Variants in PIK3R3 observed in about 807,000 individuals in gnomAD.
PIK3R3 encodes phosphatidylinositol 3-kinase regulatory subunit gamma.
Under a neutral mutation model 62.9 loss-of-function variants are expected in PIK3R3, and 64 were observed. That is an observed-to-expected ratio of 1.02 (90% CI 0.83 to 1.25). The LOEUF (loss-of-function observed/expected upper bound fraction) is 1.25. PIK3R3 is among the 50% of genes most tolerant of loss of function. PIK3R3 has a pLI of 0.00. For synonymous variants in PIK3R3, 165 were observed against 189.0 expected (o/e 0.87, Z 1.04); for missense variants, 614 against 561.6 (o/e 1.09, Z -0.94).
the PIK3R3 span, among the ~76,000 whole-genome samples, chr1:46,170,484 G>A: frequency 6.6e-6 from 1 of 152,166 alleles, no homozygotes; most frequent in Non-Finnish European, 1.5e-5. Context: ...GCAATGGCAT[G>A]ATCTCGGCTC....
intron 1 of PIK3R3, among the ~76,000 whole-genome samples, chr1:46,114,139 C>T (rs1457966765): frequency 1.3e-5 from 2 of 152,176 alleles, no homozygotes; most frequent in Non-Finnish European, 2.9e-5. Flanking sequence ...CTATTCACTC[C>T]TGGGCTGATC....
chr1:46,106,230 G>A (rs1160567527), intron 1 of PIK3R3, among the ~76,000 whole-genome samples: 2 of 152,156 alleles, frequency 1.3e-5, no homozygotes, highest in East Asian at 1.9e-4. Flanking sequence ...AGCCTCCCTA[G>A]CAGCTGGAAC....
At chr1:46,156,679 C>G in the PIK3R3 span, among the ~76,000 whole-genome samples, 14 of 152,082 alleles carry the variant, frequency 9.2e-5, no homozygotes, top group Admixed American at 9.2e-4. Flanking sequence ...GTGGACAAAC[C>G]AGCTGACCAT....
the PIK3R3 span, among the ~76,000 whole-genome samples, chr1:46,147,798 C>T: frequency 2.0e-5 from 3 of 152,126 alleles, no homozygotes; most frequent in Non-Finnish European, 4.4e-5. Flanking sequence ...AACAGATTTT[C>T]GCTCTTCCGC....
chr1:46,132,122 C>A lies in PIK3R3; in HGVS notation c.-170G>T, dbSNP rs1266525554. On this transcript the variant is annotated 5_prime_UTR_variant, in exon 1 of 10. The change creates a new upstream start codon in the 5' untranslated region. Transcript: ENST00000262741. ...AAACTACCCGAACAGGGTCCTCCCC[C>A]TCTCTCCTACAGAACACAACAAAAT... 7.1e-7 allele frequency: 1 copy of A among 1,407,142 alleles called. No homozygotes were observed. Among genetic ancestry groups the A allele is most frequent in the African/African-American group, 1.4e-5 (1 of 69,044 alleles). The allele number at this position is 1,407,142 out of a possible 1,614,324, so 87.2% of individuals were successfully genotyped here.
Position 46,040,596 on chromosome 1 carries a change from T to G in PIK3R3, c.*3077A>C, listed in dbSNP as rs1030917041. 8.9e-6 allele frequency: 2 copies of G among 223,682 alleles called. No individual in the cohort carries two copies. The highest frequency in any genetic ancestry group is 4.5e-5 in the African/African-American group (2 of 44,824). 13.9% of individuals were successfully genotyped at this position (223,682 alleles called of 1,614,324 possible). A position where few individuals can be genotyped will look rare whatever the true frequency, so the allele number is the denominator to read the frequency against. On this transcript the variant is annotated 3_prime_UTR_variant, in exon 10 of 10. Transcript: ENST00000262741. Reference sequence around the variant, plus strand: ...TGGACCCTCTGGTTTCTGAGGCCACTGAAGCCTCACAGAGGCCTACTCTGG... The same window carrying G: ...TGGACCCTCTGGTTTCTGAGGCCACGGAAGCCTCACAGAGGCCTACTCTGG...
chr1:46,132,665 G>A (rs1210910498), upstream of PIK3R3: 34 of 1,289,728 alleles, frequency 2.6e-5, no homozygotes, highest in Non-Finnish European at 3.1e-5. Context: ...TTAACGGCGC[G>A]GAGGGGACAC....
the PIK3R3 span, among the ~76,000 whole-genome samples, chr1:46,162,520 T>C: frequency 6.6e-6 from 1 of 152,158 alleles, no homozygotes; most frequent in East Asian, 1.9e-4. Flanking sequence ...AAACTGTCTA[T>C]GTGGTATAAT....
At chr1:46,050,122 A>C (rs1571352929) in intron 7 of PIK3R3, among the ~76,000 whole-genome samples, 1 of 84,272 alleles carries the variant, frequency 1.2e-5, no homozygotes, top group African/African-American at 4.4e-5. Flanking sequence ...ACTCTGTCTC[A>C]AAAAAAAAAA....
chr1:46,153,900 ATC>A, the PIK3R3 span, among the ~76,000 whole-genome samples: 1 of 152,372 alleles, frequency 6.6e-6, no homozygotes, highest in Middle Eastern at 3.4e-3. Flanking sequence ...AAAGAAAATC[ATC>A]TGTCAGGATC....
At chr1:46,084,193 G>A (rs1247021447) in intron 1 of PIK3R3, among the ~76,000 whole-genome samples, 2 of 152,174 alleles carry the variant, frequency 1.3e-5, no homozygotes, top group Admixed American at 1.3e-4. Context: ...TAATCCCATT[G>A]TCCAGAATAG....
chr1:46,064,827 GA>G (rs1362582210), intron 5 of PIK3R3, among the ~76,000 whole-genome samples: 1 of 151,994 alleles, frequency 6.6e-6, no homozygotes, highest in Non-Finnish European at 1.5e-5. Context: ...TTAGAAAAGA[GA>G]AAGTTTTTAA....
At chr1:46,104,090 AG>A (rs1374681938) in intron 1 of PIK3R3, among the ~76,000 whole-genome samples, 1 of 150,318 alleles carries the variant, frequency 6.7e-6, no homozygotes, top group East Asian at 1.9e-4. Flanking sequence ...ATGCCTGGCT[AG>A]TTTTTTTTGT....
chr1:46,164,670 CCCA>C, the PIK3R3 span, among the ~76,000 whole-genome samples: 4 of 152,166 alleles, frequency 2.6e-5, no homozygotes. Context: ...CTCCAAGCCC[CCCA>C]CCTTGCCCCA....
chr1:46,133,826 C>A (rs530425213), upstream of PIK3R3, among the ~76,000 whole-genome samples: 17 of 151,220 alleles, frequency 1.1e-4, no homozygotes, highest in East Asian at 3.1e-3. Flanking sequence ...AAAAAAAAGT[C>A]TTGGAATTAC....
At chr1:46,068,511 T>C (rs187409598) in intron 3 of PIK3R3, among the ~76,000 whole-genome samples, 1 of 152,214 alleles carries the variant, frequency 6.6e-6, no homozygotes, top group East Asian at 1.9e-4. Context: ...GTAATAAGTC[T>C]GTTGGGAAAA....
chr1:46,135,043 A>C (rs1655878579), upstream of PIK3R3, among the ~76,000 whole-genome samples: 1 of 152,226 alleles, frequency 6.6e-6, no homozygotes, highest in Admixed American at 6.5e-5. Flanking sequence ...AAGGGGAAGC[A>C]AACTTTCTTA....
At position 46,073,564 on chromosome 1, in the gene PIK3R3, G is replaced by C. The variant is rs1360031706; in HGVS notation, c.314+3951C>G. ...AAGGTAGATCAGACACTTCCAGCTG[G>C]CTCACAGTAGGCCATCTTTTCATCC... On this transcript the variant is annotated intron_variant, in intron 3 of 9. Transcript: ENST00000262741. 3.3e-5 allele frequency among the ~76,000 whole-genome samples: 5 copies of C among 152,246 alleles called. No individual in the cohort carries two copies. The East Asian group carries it at 9.7e-4, about 29-fold the overall frequency.
upstream of PIK3R3, among the ~76,000 whole-genome samples, chr1:46,136,582 T>TTATA (rs1297871275): frequency 1.3e-5 from 2 of 152,168 alleles, no homozygotes; most frequent in African/African-American, 4.8e-5. Context: ...AATTATGACA[T>TTATA]TATATGAATG....
Sources: allele counts gnomAD v4.1 joint callset (sites outside exome capture counted in the v4.1 genomes callset), GRCh38; gene constraint gnomAD v4.1.1; transcripts MANE v1.5; gene names NCBI Gene and HGNC (gene_info 2026-07-23, HGNC 2026-07-21).